The following CDK14 variants were observed in gnomAD, a reference collection of about 807,000 sequenced individuals.
CDK14 encodes cyclin-dependent kinase 14.
A neutral mutation model predicts 60.7 loss-of-function variants in CDK14; 34 were observed. The observed-to-expected ratio is 0.56, with a 90% CI of 0.43 to 0.75. CDK14 has a LOEUF of 0.75. Ranked by LOEUF, CDK14 falls within the 30% of genes least tolerant of loss-of-function variation. The probability of loss-of-function intolerance (pLI) is 0.00; values close to 1 mark genes in which losing one functional copy is unlikely to be tolerated. For missense variants in CDK14, 482 were observed against 564.1 expected, an observed-to-expected ratio of 0.85 and a Z score of 1.47; for synonymous variants, 197 against 203.7, an observed-to-expected ratio of 0.97 and a Z score of 0.28.
At chr7:91,164,617 A>G (rs1345377479) in intron 14 of CDK14, among the ~76,000 whole-genome samples, 1 of 152,188 alleles carries the variant, frequency 6.6e-6, no homozygotes, top group Non-Finnish European at 1.5e-5. Context: ...GTTGCAGATG[A>G]ATAAAACACA....
chr7:90,691,499 T>G (rs889394462), intron 2 of CDK14, among the ~76,000 whole-genome samples: 2 of 151,928 alleles, frequency 1.3e-5, no homozygotes, highest in Non-Finnish European at 2.9e-5. Context: ...TGGAGAATAG[T>G]AAGGGGAGAG....
intron 14 of CDK14, among the ~76,000 whole-genome samples, chr7:91,206,022 C>G (rs970586195): frequency 5.9e-5 from 9 of 152,264 alleles, no homozygotes; most frequent in African/African-American, 1.7e-4. Context: ...TCTCCATCTC[C>G]TGACCTCGTG....
intron 2 of CDK14, among the ~76,000 whole-genome samples, chr7:90,633,426 G>A (rs990182071): frequency 2.6e-5 from 4 of 152,088 alleles, no homozygotes; most frequent in African/African-American, 9.7e-5. Flanking sequence ...AACCAAATTT[G>A]GGTCAGTGGT....
chr7:90,667,924 T>C (rs1234874766), intron 2 of CDK14, among the ~76,000 whole-genome samples: 1 of 152,216 alleles, frequency 6.6e-6, no homozygotes, highest in Non-Finnish European at 1.5e-5. Flanking sequence ...ACATTTTGTT[T>C]ATCCATCCAT....
chr7:90,936,179 T>C (rs1270953128), intron 8 of CDK14, among the ~76,000 whole-genome samples: 2 of 152,098 alleles, frequency 1.3e-5, no homozygotes, highest in African/African-American at 4.8e-5. Flanking sequence ...TAAAAAAAAG[T>C]TGCTTTATTT....
At chr7:91,201,088 C>T (rs1409085691) in intron 14 of CDK14, among the ~76,000 whole-genome samples, 1 of 152,016 alleles carries the variant, frequency 6.6e-6, no homozygotes, top group African/African-American at 2.4e-5. Flanking sequence ...CTTTAAATGC[C>T]TCCTTATGTA....
chr7:90,776,279 T>C (rs1168293021), intron 4 of CDK14, among the ~76,000 whole-genome samples: 1 of 152,230 alleles, frequency 6.6e-6, no homozygotes, highest in Non-Finnish European at 1.5e-5. Context: ...TCCTGTCTTC[T>C]CTGTTAGCTG....
At chr7:91,202,455 T>A (rs948772921) in intron 14 of CDK14, among the ~76,000 whole-genome samples, 1 of 152,218 alleles carries the variant, frequency 6.6e-6, no homozygotes, top group African/African-American at 2.4e-5. Flanking sequence ...TCATTTGTGT[T>A]GTGCATGCAA....
chr7:91,058,336 A>T (rs1221893611), intron 11 of CDK14, among the ~76,000 whole-genome samples: 2 of 152,152 alleles, frequency 1.3e-5, no homozygotes, highest in African/African-American at 2.4e-5. Flanking sequence ...TAGATATACA[A>T]TCATGTCATC....
chr7:91,112,929 A>G (rs952397177), intron 13 of CDK14, among the ~76,000 whole-genome samples: 6 of 151,856 alleles, frequency 4.0e-5, no homozygotes, highest in East Asian at 3.9e-4. Context: ...CCTGCCATTC[A>G]TTTGCTAGCT....
intron 2 of CDK14, among the ~76,000 whole-genome samples, chr7:90,647,406 C>G (rs1055445383): frequency 2.0e-5 from 3 of 152,020 alleles, no homozygotes; most frequent in Non-Finnish European, 4.4e-5. Context: ...ATGTTTCAGT[C>G]TATAAGTGAA....
intron 2 of CDK14, among the ~76,000 whole-genome samples, chr7:90,682,948 A>G (rs928479674): frequency 4.6e-5 from 7 of 152,220 alleles, no homozygotes; most frequent in Non-Finnish European, 8.8e-5. Flanking sequence ...CTGGAGGCAC[A>G]TGGCGTCCAT....
At position 90,819,008 on chromosome 7, in the gene CDK14, G is replaced by A. The variant is rs186451287; in HGVS notation, c.544+28356G>A. 2.1e-3 allele frequency among the ~76,000 whole-genome samples: 314 copies of A among 152,008 alleles called. 3 individuals are homozygous for A. The highest frequency in any genetic ancestry group is 7.4e-3 in the African/African-American group (308 of 41,464). On this transcript the variant is annotated intron_variant, in intron 5 of 14. Coordinates refer to ENST00000380050, the MANE Select transcript of CDK14 (RefSeq NM_001287135.2). ...AAAATATGACTAGAGAAATATATGG[G>A]CATTTTTTTAGTGATTTGATAAACC...
intron 4 of CDK14, among the ~76,000 whole-genome samples, chr7:90,776,292 A>G (rs1805042232): frequency 1.3e-5 from 2 of 152,106 alleles, no homozygotes; most frequent in African/African-American, 4.8e-5. Flanking sequence ...GTTAGCTGGT[A>G]ATCTCCTCAA....
intron 12 of CDK14, among the ~76,000 whole-genome samples, chr7:91,099,006 TTTC>T (rs1209713276): frequency 6.6e-6 from 1 of 152,202 alleles, no homozygotes; most frequent in Non-Finnish European, 1.5e-5. Context: ...AGATATATTT[TTTC>T]TTCTCTTTTC....
intron 10 of CDK14, among the ~76,000 whole-genome samples, chr7:91,044,601 G>A (rs1290537218): frequency 6.6e-6 from 1 of 152,118 alleles, no homozygotes; most frequent in Admixed American, 6.6e-5. Context: ...GGTTTTTCAG[G>A]TTAACTTGAG....
intron 3 of CDK14, among the ~76,000 whole-genome samples, chr7:90,729,372 C>CT (rs1334959163): frequency 2.1e-5 from 2 of 93,544 alleles, no homozygotes; most frequent in African/African-American, 9.1e-5. Context: ...TTTTTTTTTT[C>CT]CCCACTCATC....
chr7:90,875,486 T>C (rs1379611411), intron 6 of CDK14, among the ~76,000 whole-genome samples: 9 of 152,306 alleles, frequency 5.9e-5, no homozygotes, highest in South Asian at 2.1e-4. Context: ...TGTATAGGGG[T>C]GCCAATTTTA....
chr7:91,066,068 C>A (rs1328081488), intron 11 of CDK14, among the ~76,000 whole-genome samples: 3 of 152,044 alleles, frequency 2.0e-5, no homozygotes, highest in Non-Finnish European at 4.4e-5. Context: ...TAAATCATTG[C>A]TACTTTTTTT....
Sources: allele counts gnomAD v4.1 joint callset (sites outside exome capture counted in the v4.1 genomes callset), GRCh38; gene constraint gnomAD v4.1.1; transcripts MANE v1.5; gene names NCBI Gene and HGNC (gene_info 2026-07-23, HGNC 2026-07-21).